GRIP1: variants seen among roughly 807,000 people sequenced by gnomAD.
GRIP1 encodes glutamate receptor interacting protein 1.
Under a neutral mutation model 129.9 loss-of-function variants are expected in GRIP1, and 45 were observed. The ratio of observed to expected loss-of-function variants is 0.35; its 90% CI spans 0.27 to 0.44. The LOEUF (loss-of-function observed/expected upper bound fraction) is 0.44, where lower values mean the gene tolerates loss of function less well. Among genes scored for constraint, GRIP1 ranks in the 20% least tolerant of loss-of-function variants. GRIP1 has a pLI of 1.00. For missense variants in GRIP1, 1,196 were observed against 1,396.8 expected, an observed-to-expected ratio of 0.86 and a Z score of 2.29; for synonymous variants, 530 against 520.8, an observed-to-expected ratio of 1.02 and a Z score of -0.24.
At chr12:66,519,116 G>A (rs1565819471) in intron 5 of GRIP1, among the ~76,000 whole-genome samples, 1 of 151,114 alleles carries the variant, frequency 6.6e-6, no homozygotes, top group Non-Finnish European at 1.5e-5. Context: ...TAGGCCGAAA[G>A]GTCAACTTAT....
At chr12:67,069,045 C>T in intron 1 of GRIP1, 1 of 899,688 alleles carries the variant, frequency 1.1e-6, no homozygotes, top group Non-Finnish European at 1.3e-6. Context: ...CGCCGCCTGG[C>T]TCACCTCTCT....
chr12:66,983,360 C>T (rs1457889158), intron 1 of GRIP1, among the ~76,000 whole-genome samples: 1 of 151,890 alleles, frequency 6.6e-6, no homozygotes, highest in Admixed American at 6.6e-5. Context: ...TTATAAAATG[C>T]CATGTAAATA....
At chr12:66,545,075 A>G (rs1328984756) in intron 2 of GRIP1, among the ~76,000 whole-genome samples, 1 of 152,094 alleles carries the variant, frequency 6.6e-6, no homozygotes, top group African/African-American at 2.4e-5. Context: ...CACTCTTTCA[A>G]TTAGCAAGCA....
intron 4 of GRIP1, among the ~76,000 whole-genome samples, chr12:66,538,627 G>C (rs1287516982): frequency 6.6e-6 from 1 of 151,936 alleles, no homozygotes; most frequent in East Asian, 1.9e-4. Context: ...TTTTGAGACA[G>C]GGCCTTGCTA....
intron 11 of GRIP1, among the ~76,000 whole-genome samples, chr12:66,450,197 G>C (rs902964290): frequency 6.6e-6 from 1 of 150,698 alleles, no homozygotes; most frequent in Non-Finnish European, 1.5e-5. Flanking sequence ...CCAGCTACTC[G>C]GGAGGCTGAG....
chr12:66,914,953 C>T (rs771544160), intron 1 of GRIP1, among the ~76,000 whole-genome samples: 1 of 152,078 alleles, frequency 6.6e-6, no homozygotes, highest in African/African-American at 2.4e-5. Context: ...AGAGTGACCC[C>T]GCCTCCCCTC....
intron 19 of GRIP1, among the ~76,000 whole-genome samples, chr12:66,383,646 G>T (rs748026201): frequency 6.6e-6 from 1 of 152,122 alleles, no homozygotes; most frequent in Non-Finnish European, 1.5e-5. Flanking sequence ...ACAATCTTGG[G>T]GCTCTCTGAG....
chr12:66,405,008 C>T (rs1349605577), intron 16 of GRIP1, among the ~76,000 whole-genome samples: 2 of 152,184 alleles, frequency 1.3e-5, no homozygotes, highest in African/African-American at 4.8e-5. Flanking sequence ...CTCCATGGCA[C>T]ACTCCAGCCT....
At chr12:66,544,497 G>C (rs192403265) in intron 2 of GRIP1, among the ~76,000 whole-genome samples, 6 of 152,148 alleles carry the variant, frequency 3.9e-5, no homozygotes, top group African/African-American at 9.7e-5. Context: ...TAGAGCGAAG[G>C]CCTGAGATTC....
At chr12:66,485,611 T>C (rs1202808773) in intron 7 of GRIP1, among the ~76,000 whole-genome samples, 10 of 151,980 alleles carry the variant, frequency 6.6e-5, no homozygotes, top group Admixed American at 6.6e-4. Flanking sequence ...ACTTTATATG[T>C]TATGTTTAAG....
intron 1 of GRIP1, among the ~76,000 whole-genome samples, chr12:66,793,656 T>C (rs1345720726): frequency 1.3e-5 from 2 of 152,162 alleles, no homozygotes; most frequent in African/African-American, 4.8e-5. Context: ...CTCAGGAGTT[T>C]ATCAACCCAT....
intron 1 of GRIP1, among the ~76,000 whole-genome samples, chr12:66,774,011 C>T (rs1262851270): frequency 2.0e-5 from 3 of 150,916 alleles, no homozygotes; most frequent in African/African-American, 4.9e-5. Context: ...CTGAATGGTG[C>T]TAGAAGATGG....
rs60054128 is a variant in GRIP1 at position 66,834,177 on chromosome 12, CAA to C, written c.58+234871_58+234872del. Among the ~76,000 whole-genome samples, 336 of 95,194 alleles carry C rather than the reference CAA, an allele frequency of 3.5e-3. 2 individuals carry two copies. Among genetic ancestry groups the C allele is most frequent in the African/African-American group, 0.011 (265 of 23,624 alleles). 62.5% of individuals were successfully genotyped at this position (95,194 alleles called of 152,430 possible). On this transcript the variant is annotated intron_variant, in intron 1 of 1. Transcript: ENST00000643019. ...TGTGCAACACAGCGAGACTTCATCTCAAAAAAAAAAAAAAAAAAAAAGGTGGG... is the reference window on the plus strand; with the variant it reads ...TGTGCAACACAGCGAGACTTCATCTCAAAAAAAAAAAAAAAAAAAGGTGGG...
chr12:66,910,550 G>T (rs2041012029), intron 1 of GRIP1, among the ~76,000 whole-genome samples: 1 of 151,964 alleles, frequency 6.6e-6, no homozygotes, highest in East Asian at 1.9e-4. Context: ...TCCAGCTTAA[G>T]AACTTATGAA....
intron 10 of GRIP1, among the ~76,000 whole-genome samples, chr12:66,455,934 C>T (rs1463252011): frequency 1.3e-5 from 2 of 152,124 alleles, no homozygotes; most frequent in African/African-American, 2.4e-5. Context: ...GACCTGAGAA[C>T]ATTGTCTCTG....
intron 1 of GRIP1, among the ~76,000 whole-genome samples, chr12:66,666,757 C>CT (rs1413701484): frequency 1.3e-5 from 2 of 151,884 alleles, no homozygotes; most frequent in Non-Finnish European, 2.9e-5. Flanking sequence ...CATTTTTTTT[C>CT]TAAGAGCATG....
intron 3 of GRIP1, among the ~76,000 whole-genome samples, chr12:66,540,911 G>A (rs2061757280): frequency 6.6e-6 from 1 of 152,062 alleles, no homozygotes; most frequent in African/African-American, 2.4e-5. Context: ...TGATTCTCCT[G>A]CCTCAGCCTC....
At chr12:66,604,109 A>G (rs1344591789) in intron 1 of GRIP1, among the ~76,000 whole-genome samples, 1 of 152,164 alleles carries the variant, frequency 6.6e-6, no homozygotes, top group African/African-American at 2.4e-5. Context: ...TTCTCCTGCA[A>G]CCAGGAAGGG....
intron 2 of GRIP1, among the ~76,000 whole-genome samples, chr12:66,560,793 T>A (rs1041112432): frequency 6.6e-6 from 1 of 152,098 alleles, no homozygotes; most frequent in East Asian, 1.9e-4. Context: ...AGCTACCATA[T>A]GATCCAGCAA....
Sources: allele counts gnomAD v4.1 joint callset (sites outside exome capture counted in the v4.1 genomes callset), GRCh38; gene constraint gnomAD v4.1.1; transcripts MANE v1.5; gene names NCBI Gene and HGNC (gene_info 2026-07-23, HGNC 2026-07-21).